Variants in TRPM7 observed in about 807,000 individuals in gnomAD.
TRPM7 encodes LTRPC ion channel family member 7.
Under a neutral mutation model 229.7 loss-of-function variants are expected in TRPM7, and 134 were observed. The observed-to-expected ratio is 0.58, with a 90% CI of 0.51 to 0.67. The LOEUF is 0.67. Among genes scored for constraint, TRPM7 ranks in the 30% least tolerant of loss-of-function variants. The pLI, the probability that TRPM7 is intolerant of heterozygous loss-of-function variation, is 0.00. For synonymous variants in TRPM7, 699 were observed against 715.2 expected (o/e 0.98, Z 0.36); for missense variants, 1,901 against 2,210.0 (o/e 0.86, Z 2.80).
At chr15:50,566,048 C>A (rs1038573025) in intron 38 of TRPM7, among the ~76,000 whole-genome samples, 26 of 151,978 alleles carry the variant, frequency 1.7e-4, no homozygotes, top group Non-Finnish European at 3.4e-4. Flanking sequence ...TGGTATCGAC[C>A]TCCTGACTTC....
chr15:50,582,893 TAA>T, intron 29 of TRPM7, 194 bp downstream of exon 29: 1 of 355,540 alleles, frequency 2.8e-6, no homozygotes. Flanking sequence ...TTATTCTGCA[TAA>T]ATTTTTCTTT....
intron 13 of TRPM7, 36 bp downstream of exon 13, chr15:50,619,709 A>G (rs754515893): frequency 2.0e-6 from 3 of 1,496,750 alleles, no homozygotes; most frequent in Non-Finnish European, 2.7e-6. Flanking sequence ...GATTTTTTAA[A>G]ATAACATTTT....
Position 50,623,344 on chromosome 15 carries a change from G to A in TRPM7, c.1440+822C>T, listed in dbSNP as rs573515144. Among the ~76,000 whole-genome samples the A allele has an allele frequency of 5.9e-5, 9 of 151,820 alleles. No homozygotes were observed. In the East Asian group the frequency reaches 1.6e-3, roughly 26 times the overall value. On this transcript the variant is annotated intron_variant, in intron 12 of 38. Coordinates refer to ENST00000646667, the MANE Select transcript of TRPM7 (RefSeq NM_017672.6). ...GGAGAATCACTTGAACCAGGGAGGC[G>A]GAGGCTGCAGTGAGCAAAGATGGCA...
intron 38 of TRPM7, among the ~76,000 whole-genome samples, chr15:50,564,787 A>G (rs1596044273): frequency 2.0e-5 from 3 of 152,144 alleles, no homozygotes; most frequent in East Asian, 1.9e-4. Context: ...ATTTGCAACT[A>G]TATTAATTAT....
In TRPM7 at chr15:50,648,545, T is replaced by G. The variant is rs144538757; in HGVS notation, c.321+142A>C. ...GTTCAATCCACCAGAAAGATACAATTCTATATTTGTATGCACCTTTGTACT... is the reference window on the plus strand; with the variant it reads ...GTTCAATCCACCAGAAAGATACAATGCTATATTTGTATGCACCTTTGTACT... On this transcript the variant is annotated intron_variant, in intron 4 of 38. Coordinates refer to ENST00000646667, the MANE Select transcript of TRPM7 (RefSeq NM_017672.6). 2,104 of 577,652 alleles carry G rather than the reference T, an allele frequency of 3.6e-3. 8 individuals carry two copies. The highest frequency in any genetic ancestry group is 4.9e-3 in the Non-Finnish European group (1,717 of 352,870). 35.8% of individuals were successfully genotyped at this position (577,652 alleles called of 1,614,324 possible). A position where few individuals can be genotyped will look rare whatever the true frequency, so the allele number is the denominator to read the frequency against.
intron 13 of TRPM7, among the ~76,000 whole-genome samples, chr15:50,618,471 G>C (rs1461765947): frequency 6.6e-6 from 1 of 151,980 alleles, no homozygotes; most frequent in East Asian, 1.9e-4. Flanking sequence ...TTGGGAGGCT[G>C]AGGCAAGAGA....
chr15:50,557,199 G>A lies in TRPM7; in HGVS notation c.*4479C>T, dbSNP rs2053172377. On this transcript the variant is annotated 3_prime_UTR_variant, in exon 39 of 39. Transcript: ENST00000646667. ...GCCATTTATTGAGTATTCTTGCTTT[G>A]ATTGTCTACGTAAGCATGTAAGACT... 1 of 152,166 alleles carries A rather than the reference G, an allele frequency of 6.6e-6. No individual in the cohort carries two copies. The highest frequency in any genetic ancestry group is 1.5e-5 in the Non-Finnish European group (1 of 68,036). 9.4% of individuals were successfully genotyped at this position (152,166 alleles called of 1,614,324 possible).
chr15:50,618,691 GAA>G (rs1438501572), intron 13 of TRPM7, among the ~76,000 whole-genome samples: 105 of 152,132 alleles, frequency 6.9e-4, no homozygotes, highest in African/African-American at 2.4e-3. Context: ...ATGTAGCGGT[GAA>G]GACTAGGCTT....
intron 26 of TRPM7, among the ~76,000 whole-genome samples, chr15:50,591,434 A>G (rs1566967516): frequency 6.6e-6 from 1 of 151,998 alleles, no homozygotes; most frequent in Non-Finnish European, 1.5e-5. Context: ...CAAAGAGGTT[A>G]TGTGCCAATA....
At chr15:50,644,797 C>CAAAAAAAA (rs201997665) in intron 4 of TRPM7, among the ~76,000 whole-genome samples, 21 of 64,744 alleles carry the variant, frequency 3.2e-4, no homozygotes, top group African/African-American at 8.9e-4. Flanking sequence ...AACTGCGTCT[C>CAAAAAAAA]AAAAAAAAAA....
chr15:50,620,425 A>G (rs2060360265), intron 12 of TRPM7, among the ~76,000 whole-genome samples: 1 of 151,880 alleles, frequency 6.6e-6, no homozygotes, highest in Non-Finnish European at 1.5e-5. Context: ...GACATCCCTG[A>G]TTTAACATTT....
chr15:50,667,436 T>C (rs769743739), intron 1 of TRPM7, among the ~76,000 whole-genome samples: 9 of 152,348 alleles, frequency 5.9e-5, no homozygotes, highest in South Asian at 2.1e-4. Flanking sequence ...CCGGGCACAG[T>C]GGTTCACGCC....
intron 1 of TRPM7, among the ~76,000 whole-genome samples, chr15:50,663,479 A>C (rs565987884): frequency 4.0e-4 from 61 of 152,118 alleles, no homozygotes; most frequent in Non-Finnish European, 7.6e-4. Flanking sequence ...TACATACCAT[A>C]ATCTGAGGAT....
At chr15:50,661,607 T>C (rs1005214268) in intron 2 of TRPM7, among the ~76,000 whole-genome samples, 1 of 152,198 alleles carries the variant, frequency 6.6e-6, no homozygotes, top group Non-Finnish European at 1.5e-5. Flanking sequence ...AAATATTTAC[T>C]ACATATCCAC....
chr15:50,591,832 G>C, intron 26 of TRPM7, 79 bp downstream of exon 26: 1 of 1,033,350 alleles, frequency 9.7e-7, no homozygotes, highest in Non-Finnish European at 1.4e-6. Flanking sequence ...ATAATGACTT[G>C]TAACAGTACA....
chr15:50,588,136 A>G (rs2140339048), intron 27 of TRPM7: 3 of 756,468 alleles, frequency 4.0e-6, no homozygotes, highest in South Asian at 6.0e-5. Context: ...CTAAAAGCAC[A>G]TGGGTATATT....
At chr15:50,641,236 C>T (rs966523144) in intron 5 of TRPM7, among the ~76,000 whole-genome samples, 5 of 144,716 alleles carry the variant, frequency 3.5e-5, no homozygotes, top group African/African-American at 1.2e-4. Flanking sequence ...TCCCCAAGGC[C>T]TCATGCGATG....
intron 25 of TRPM7, 147 bp downstream of exon 25, chr15:50,593,470 A>G (rs1045881598): frequency 1.2e-6 from 1 of 832,164 alleles, no homozygotes; most frequent in African/African-American, 1.7e-5. Flanking sequence ...TATTAATAGA[A>G]CTGAACGATC....
chr15:50,653,759 GA>G (rs1055525632), intron 3 of TRPM7, among the ~76,000 whole-genome samples: 1 of 152,008 alleles, frequency 6.6e-6, no homozygotes, highest in East Asian at 1.9e-4. Flanking sequence ...AGACAAGAAG[GA>G]AAAAAATCTC....
Sources: allele counts gnomAD v4.1 joint callset (sites outside exome capture counted in the v4.1 genomes callset), GRCh38; gene constraint gnomAD v4.1.1; transcripts MANE v1.5; gene names NCBI Gene and HGNC (gene_info 2026-07-23, HGNC 2026-07-21).